Variants in GRIN2A observed in about 807,000 individuals in gnomAD.
GRIN2A encodes the protein glutamate ionotropic receptor NMDA type subunit 2A.
Under a neutral mutation model 113.4 loss-of-function variants are expected in GRIN2A, and 22 were observed. The observed-to-expected ratio is 0.19, with a 90% CI of 0.14 to 0.28. The LOEUF (loss-of-function observed/expected upper bound fraction) is 0.28. Ranked by LOEUF, GRIN2A falls within the 10% of genes least tolerant of loss-of-function variation. GRIN2A has a pLI of 1.00. For missense variants in GRIN2A, 1,502 were observed against 1,887.0 expected, an observed-to-expected ratio of 0.80 and a Z score of 3.78; for synonymous variants, 827 against 738.4, an observed-to-expected ratio of 1.12 and a Z score of -1.94.
rs531272253 is a variant in GRIN2A at position 9,875,057 on chromosome 16, C to T, written c.1122+15929G>A. Among the ~76,000 whole-genome samples the T allele has an allele frequency of 8.6e-5, 12 of 140,090 alleles. No homozygotes were observed. In the South Asian group the frequency reaches 2.8e-3, roughly 33 times the overall value. The allele number at this position is 140,090 out of a possible 152,430, so 91.9% of individuals were successfully genotyped here. On this transcript the variant is annotated intron_variant, in intron 4 of 12. Coordinates refer to ENST00000330684, the MANE Select transcript of GRIN2A (RefSeq NM_001134407.3). ...TGAGCCACTCCAGGGAGTGCAGCGG[C>T]ATGAACATGGCTCGCTGTGGCCTTG...
chr16:10,148,991 T>G (rs1171293293), intron 2 of GRIN2A, among the ~76,000 whole-genome samples: 2 of 152,222 alleles, frequency 1.3e-5, no homozygotes, highest in African/African-American at 4.8e-5. Flanking sequence ...TCACATGTTC[T>G]CACCCATCTG....
At chr16:9,987,468 G>A (rs2046001861) in intron 2 of GRIN2A, among the ~76,000 whole-genome samples, 1 of 152,138 alleles carries the variant, frequency 6.6e-6, no homozygotes, top group African/African-American at 2.4e-5. Flanking sequence ...GTAGCTACCT[G>A]ATAACATCCA....
chr16:9,894,971 G>C (rs527746169), intron 3 of GRIN2A, among the ~76,000 whole-genome samples: 2 of 151,826 alleles, frequency 1.3e-5, no homozygotes, highest in Non-Finnish European at 2.9e-5. Flanking sequence ...CCATCTATCC[G>C]TCAATACATT....
intron 2 of GRIN2A, chr16:10,112,233 A>G (rs969003207): frequency 1.6e-6 from 1 of 613,530 alleles, no homozygotes; most frequent in Non-Finnish European, 3.0e-6. Context: ...TCAAATCACC[A>G]TGGTGCATTA....
chr16:9,841,186 T>A, intron 5 of GRIN2A, 82 bp from the exon 6 acceptor site: 1 of 1,212,572 alleles, frequency 8.2e-7, no homozygotes, highest in African/African-American at 1.5e-5. Flanking sequence ...TTCTCCTATT[T>A]TTCAGATGAG....
At chr16:9,920,392 C>G (rs1046715018) in intron 3 of GRIN2A, among the ~76,000 whole-genome samples, 1 of 152,152 alleles carries the variant, frequency 6.6e-6, no homozygotes, top group African/African-American at 2.4e-5. Context: ...CCCAGTCCTG[C>G]ATTCAGAGTT....
intron 2 of GRIN2A, among the ~76,000 whole-genome samples, chr16:9,948,215 T>C (rs1454112918): frequency 3.3e-5 from 5 of 152,246 alleles, no homozygotes; most frequent in Admixed American, 2.6e-4. Context: ...AGTGCATTTA[T>C]TTAATCCTCA....
intron 2 of GRIN2A, among the ~76,000 whole-genome samples, chr16:10,035,078 T>TGC (rs147920915): frequency 0.21 from 32,195 of 151,936 alleles, 4,114 homozygotes; most frequent in East Asian, 0.52. Context: ...CAGGCTGGAG[T>TGC]GCAGTGGCAC....
chr16:10,066,324 T>C (rs1446531787), intron 2 of GRIN2A, among the ~76,000 whole-genome samples: 2 of 152,206 alleles, frequency 1.3e-5, no homozygotes, highest in Non-Finnish European at 2.9e-5. Context: ...AGTCTAATCC[T>C]GTCTGTCTCA....
intron 2 of GRIN2A, among the ~76,000 whole-genome samples, chr16:10,102,720 T>A (rs1291042920): frequency 2.6e-5 from 4 of 152,052 alleles, no homozygotes; most frequent in Non-Finnish European, 5.9e-5. Flanking sequence ...CTGCCTTGGG[T>A]GTTTCTTTAT....
intron 2 of GRIN2A, among the ~76,000 whole-genome samples, chr16:9,992,217 A>T (rs1013345816): frequency 2.0e-5 from 3 of 152,174 alleles, no homozygotes; most frequent in African/African-American, 7.2e-5. Flanking sequence ...ACTTGAAAAG[A>T]TAGGGAATCA....
intron 2 of GRIN2A, among the ~76,000 whole-genome samples, chr16:10,124,776 G>A (rs6497713): frequency 0.08 from 12,189 of 152,210 alleles, 549 homozygotes; most frequent in Admixed American, 0.11. Context: ...TCACAGAAGA[G>A]ACAGAAACAT....
intron 10 of GRIN2A, among the ~76,000 whole-genome samples, chr16:9,819,626 C>T (rs1378262433): frequency 1.3e-5 from 2 of 151,836 alleles, no homozygotes; most frequent in Non-Finnish European, 1.5e-5. Context: ...GTAATGATAA[C>T]TGCTGTGCTT....
intron 11 of GRIN2A, among the ~76,000 whole-genome samples, chr16:9,795,550 G>T (rs1902928539): frequency 6.6e-6 from 1 of 152,082 alleles, no homozygotes; most frequent in East Asian, 1.9e-4. Context: ...ATTCTTTCTT[G>T]CATGAGATCC....
chr16:10,136,945 A>G (rs1000607429), intron 2 of GRIN2A, among the ~76,000 whole-genome samples: 7 of 152,228 alleles, frequency 4.6e-5, no homozygotes, highest in African/African-American at 1.7e-4. Context: ...GTAAATTTTA[A>G]ATTAAGTGAC....
Position 10,180,525 on chromosome 16 carries a change from G to C in GRIN2A, c.-18-96C>G. On this transcript the variant is annotated intron_variant, in intron 1 of 12. Coordinates refer to ENST00000330684, the MANE Select transcript of GRIN2A (RefSeq NM_001134407.3). The surrounding 1 kb of genome is among the most constrained non-coding windows in gnomAD (Gnocchi z 7.0). ...GCTTCCTGCTCTAGGAGCCAGGCATGGAACTCAGCAGCAGGATAGGCTGCT... is the reference window on the plus strand; with the variant it reads ...GCTTCCTGCTCTAGGAGCCAGGCATCGAACTCAGCAGCAGGATAGGCTGCT... 2 of 1,528,014 alleles carry C rather than the reference G, an allele frequency of 1.3e-6. No homozygotes were observed. Among genetic ancestry groups the C allele is most frequent in the South Asian group, 2.4e-5 (2 of 82,364 alleles). The allele number at this position is 1,528,014 out of a possible 1,614,324, so 94.7% of individuals were successfully genotyped here.
At chr16:9,774,757 C>T (rs1190845433) in intron 11 of GRIN2A, among the ~76,000 whole-genome samples, 1 of 152,182 alleles carries the variant, frequency 6.6e-6, no homozygotes, top group African/African-American at 2.4e-5. Flanking sequence ...TAGAATTAAA[C>T]GATGTTGCAT....
intron 4 of GRIN2A, among the ~76,000 whole-genome samples, chr16:9,863,874 G>C (rs1298553684): frequency 2.0e-5 from 3 of 152,168 alleles, no homozygotes; most frequent in African/African-American, 7.2e-5. Flanking sequence ...TTAAGGGGCT[G>C]CTTCTTGGAG....
chr16:9,881,900 T>G (rs936260324), intron 4 of GRIN2A, among the ~76,000 whole-genome samples: 4 of 152,220 alleles, frequency 2.6e-5, no homozygotes, highest in Non-Finnish European at 5.9e-5. Context: ...TTTACTGGTG[T>G]CCTCACAATT....
Sources: gnomAD v4.1 joint callset for allele counts (sites outside exome capture counted in the v4.1 genomes callset) on GRCh38, gnomAD v4.1.1 for gene constraint, Gnocchi (gnomAD v3.1) non-coding constraint, MANE v1.5 for transcripts, NCBI Gene and HGNC (gene_info 2026-07-23, HGNC 2026-07-21) for gene names.